The following LAMA2 variants were observed in gnomAD, a reference collection of about 807,000 sequenced individuals.
LAMA2 encodes laminin subunit alpha-2.
In LAMA2, 269 loss-of-function variants were observed where a neutral mutation model predicts 364.8. The ratio of observed to expected loss-of-function variants is 0.74; its 90% CI spans 0.67 to 0.82. The LOEUF (loss-of-function observed/expected upper bound fraction) is 0.82. Among genes scored for constraint, LAMA2 ranks in the 40% least tolerant of loss-of-function variants. The pLI is 0.00. For synonymous variants in LAMA2, 1,379 were observed against 1,370.6 expected (o/e 1.01, Z -0.14); for missense variants, 3,807 against 3,873.2 (o/e 0.98, Z 0.45).
chr6:129,158,961 C>T lies in LAMA2; in HGVS notation c.1206+4278C>T. The stretch of plus-strand genomic sequence containing the variant: ...TAGCACTTGAAAAAAGGCAAGGTAT[C>T]CTCTGGTGCTAAGGTTACTCCATTT... On this transcript the variant is annotated intron_variant, in intron 8 of 64. Coordinates refer to ENST00000421865, the MANE Select transcript of LAMA2 (RefSeq NM_000426.4). The T allele has an allele frequency of 4.4e-6, 7 of 1,589,374 alleles. No homozygotes were observed. In the Admixed American group the frequency reaches 1.2e-4, roughly 26 times the overall value.
intron 5 of LAMA2, among the ~76,000 whole-genome samples, chr6:129,145,636 G>A (rs1778387506): frequency 6.6e-6 from 1 of 151,844 alleles, no homozygotes; most frequent in African/African-American, 2.4e-5. Context: ...GGTAGAGTGG[G>A]GGTTGGGGTA....
intron 4 of LAMA2, among the ~76,000 whole-genome samples, chr6:129,121,538 A>G (rs1348000542): frequency 1.3e-5 from 2 of 152,134 alleles, no homozygotes; most frequent in Non-Finnish European, 2.9e-5. Context: ...CCTGAATTTT[A>G]CATATTAGAA....
At chr6:129,065,086 G>T (rs1330774003) in intron 3 of LAMA2, among the ~76,000 whole-genome samples, 1 of 152,156 alleles carries the variant, frequency 6.6e-6, no homozygotes, top group Non-Finnish European at 1.5e-5. Flanking sequence ...CACTACCAGG[G>T]ATGCCATGGT....
chr6:129,352,917 A>C (rs568171545), intron 31 of LAMA2, among the ~76,000 whole-genome samples: 3 of 152,032 alleles, frequency 2.0e-5, no homozygotes, highest in Non-Finnish European at 4.4e-5. Context: ...TATTATTATT[A>C]ATGTTTTCAA....
At chr6:128,959,139 G>A (rs1050124731) in intron 1 of LAMA2, among the ~76,000 whole-genome samples, 1 of 151,966 alleles carries the variant, frequency 6.6e-6, no homozygotes, top group Non-Finnish European at 1.5e-5. Context: ...TGAAAAATTA[G>A]TCTTAGTTTA....
At chr6:129,073,031 T>A (rs910763902) in intron 3 of LAMA2, among the ~76,000 whole-genome samples, 1 of 152,256 alleles carries the variant, frequency 6.6e-6, no homozygotes, top group East Asian at 1.9e-4. Context: ...CTGCCTTTTT[T>A]AAATGAAAGC....
intron 1 of LAMA2, among the ~76,000 whole-genome samples, chr6:128,945,274 CCT>C (rs1780421323): frequency 6.6e-6 from 1 of 152,090 alleles, no homozygotes; most frequent in Non-Finnish European, 1.5e-5. Flanking sequence ...ATTTTTAAAA[CCT>C]TGACCTATGA....
At chr6:129,024,148 C>A (rs1245532483) in intron 1 of LAMA2, among the ~76,000 whole-genome samples, 3 of 152,024 alleles carry the variant, frequency 2.0e-5, no homozygotes, top group Non-Finnish European at 2.9e-5. Context: ...TTAAAAGCAG[C>A]ATGACTCAGA....
chr6:129,504,943 C>G (rs1785937181), intron 60 of LAMA2, among the ~76,000 whole-genome samples: 1 of 152,184 alleles, frequency 6.6e-6, no homozygotes, highest in African/African-American at 2.4e-5. Context: ...GGCAATCTAC[C>G]GAGGAGACTT....
chr6:129,110,474 C>T (rs10499151), intron 4 of LAMA2, among the ~76,000 whole-genome samples: 12,865 of 151,972 alleles, frequency 0.085, 683 homozygotes, highest in Middle Eastern at 0.16. Flanking sequence ...TAAAATATGA[C>T]TCCCAAGCAA....
At chr6:129,275,561 G>A (rs1788252243) in intron 17 of LAMA2, among the ~76,000 whole-genome samples, 1 of 151,786 alleles carries the variant, frequency 6.6e-6, no homozygotes. Context: ...TTCACTGTTT[G>A]GCAAGAGTTA....
chr6:129,085,468 TG>T (rs1407229996), intron 3 of LAMA2, among the ~76,000 whole-genome samples: 2 of 152,226 alleles, frequency 1.3e-5, no homozygotes, highest in African/African-American at 4.8e-5. Context: ...TCTCCTTTTT[TG>T]CCTCCTGTAG....
At chr6:129,482,223 C>T (rs186641286) in intron 55 of LAMA2, among the ~76,000 whole-genome samples, 132 of 152,218 alleles carry the variant, frequency 8.7e-4, no homozygotes, top group African/African-American at 2.9e-3. Flanking sequence ...CAGCTGTTCA[C>T]GCCACCACAC....
chr6:129,352,915 T>A (rs1292493866), intron 31 of LAMA2, among the ~76,000 whole-genome samples: 2 of 152,044 alleles, frequency 1.3e-5, no homozygotes, highest in African/African-American at 4.8e-5. Context: ...ATTATTATTA[T>A]TAATGTTTTC....
chr6:129,042,110 G>T (rs1332761560), intron 1 of LAMA2, among the ~76,000 whole-genome samples: 1 of 151,776 alleles, frequency 6.6e-6, no homozygotes, highest in Non-Finnish European at 1.5e-5. Context: ...TTCAAAACCA[G>T]CCTGGCTGAT....
Position 129,507,350 on chromosome 6 carries a change from C to T in LAMA2, c.8704-139C>T. 3.5e-6 allele frequency: 3 copies of T among 857,862 alleles called. No individual in the cohort carries two copies. The South Asian group carries it at 4.2e-5, about 12-fold the overall frequency. The allele number at this position is 857,862 out of a possible 1,614,324, so 53.1% of individuals were successfully genotyped here. Reference sequence around the variant, plus strand: ...GGAGGCCTGGTGGTAACAGAGAACCCAGGCAGCTTTGGGGGATATCCCATC... The same window carrying T: ...GGAGGCCTGGTGGTAACAGAGAACCTAGGCAGCTTTGGGGGATATCCCATC... On this transcript the variant is annotated intron_variant, in intron 61 of 64. Transcript: ENST00000421865.
chr6:129,113,742 A>C (rs1399787377), intron 4 of LAMA2, among the ~76,000 whole-genome samples: 1 of 151,984 alleles, frequency 6.6e-6, no homozygotes, highest in African/African-American at 2.4e-5. Context: ...GGCAACATAA[A>C]GTGTGTGTAC....
At chr6:129,514,039 C>A (rs75072989) in intron 63 of LAMA2, among the ~76,000 whole-genome samples, 1 of 152,094 alleles carries the variant, frequency 6.6e-6, no homozygotes, top group Non-Finnish European at 1.5e-5. Flanking sequence ...TCTAAAAAGA[C>A]GTGAGGTAGA....
At chr6:129,096,068 G>A (rs1330631534) in intron 3 of LAMA2, among the ~76,000 whole-genome samples, 1 of 152,172 alleles carries the variant, frequency 6.6e-6, no homozygotes, top group African/African-American at 2.4e-5. Context: ...ATATTTTATA[G>A]CAGAGACAAC....
Sources: gnomAD v4.1 joint callset for allele counts (sites outside exome capture counted in the v4.1 genomes callset) on GRCh38, gnomAD v4.1.1 for gene constraint, MANE v1.5 for transcripts, NCBI Gene and HGNC (gene_info 2026-07-23, HGNC 2026-07-21) for gene names.